NAV3: variants seen among roughly 807,000 people sequenced by gnomAD.
NAV3 encodes the protein pore membrane and/or filament interacting like protein 1.
Under a neutral mutation model 244.7 loss-of-function variants are expected in NAV3, and 87 were observed. The observed-to-expected ratio is 0.36, with a 90% CI of 0.30 to 0.42. The LOEUF (loss-of-function observed/expected upper bound fraction) is 0.42, where lower values mean the gene tolerates loss of function less well. NAV3 is among the 20% of genes least tolerant of loss of function. The probability of loss-of-function intolerance (pLI) is 1.00; values close to 1 mark genes in which losing one functional copy is unlikely to be tolerated. For missense variants in NAV3, 2,663 were observed against 2,893.3 expected, an observed-to-expected ratio of 0.92 and a Z score of 1.83; for synonymous variants, 1,126 against 1,042.2, an observed-to-expected ratio of 1.08 and a Z score of -1.55.
At chr12:77,798,677 T>C (rs555943884) in intron 2 of NAV3, among the ~76,000 whole-genome samples, 34 of 152,168 alleles carry the variant, frequency 2.2e-4, no homozygotes, top group Non-Finnish European at 4.0e-4. Context: ...GCTATAATTA[T>C]TGTTGGAGGA....
At chr12:78,080,021 T>A (rs1953266178) in intron 12 of NAV3, among the ~76,000 whole-genome samples, 1 of 152,228 alleles carries the variant, frequency 6.6e-6, no homozygotes, top group Non-Finnish European at 1.5e-5. Flanking sequence ...TTTGTCTATA[T>A]TTTAATATGT....
At chr12:78,192,564 C>A (rs916219130) in intron 34 of NAV3, among the ~76,000 whole-genome samples, 2 of 151,562 alleles carry the variant, frequency 1.3e-5, no homozygotes, top group Non-Finnish European at 2.9e-5. Flanking sequence ...CACCACCACA[C>A]CCAGCTAATT....
At chr12:77,669,360 C>CA (rs1873859904) in intron 2 of NAV3, among the ~76,000 whole-genome samples, 1 of 152,092 alleles carries the variant, frequency 6.6e-6, no homozygotes, top group South Asian at 2.1e-4. Flanking sequence ...TCCATACTAA[C>CA]ATTGAATGTA....
chr12:77,773,702 A>G (rs1427521517), intron 2 of NAV3, among the ~76,000 whole-genome samples: 1 of 152,190 alleles, frequency 6.6e-6, no homozygotes, highest in East Asian at 1.9e-4. Context: ...TTAATAATGT[A>G]CATCTCATTG....
chr12:78,150,442 A>T (rs1434503212), intron 22 of NAV3, among the ~76,000 whole-genome samples: 1 of 152,050 alleles, frequency 6.6e-6, no homozygotes, highest in Non-Finnish European at 1.5e-5. Context: ...TTGAAATGTA[A>T]TGATGCTTAT....
intron 2 of NAV3, among the ~76,000 whole-genome samples, chr12:77,741,408 T>C (rs1868334599): frequency 6.6e-6 from 1 of 152,084 alleles, no homozygotes; most frequent in African/African-American, 2.4e-5. Flanking sequence ...CACACACACA[T>C]ATACTGGTCA....
chr12:77,998,503 A>C (rs555001037), intron 7 of NAV3, 27 bp downstream of exon 7: 9 of 1,578,020 alleles, frequency 5.7e-6, no homozygotes, highest in Non-Finnish European at 7.7e-6. Context: ...TCATTATGAC[A>C]CAAGTCCAAC....
At chr12:77,622,596 C>G (rs1871428267) in intron 2 of NAV3, among the ~76,000 whole-genome samples, 2 of 134,714 alleles carry the variant, frequency 1.5e-5, no homozygotes, top group Admixed American at 1.6e-4. Context: ...TGTAAGTATC[C>G]AAAAGACAAA....
At chr12:77,953,526 A>T (rs1891090178) in intron 3 of NAV3, among the ~76,000 whole-genome samples, 1 of 152,192 alleles carries the variant, frequency 6.6e-6, no homozygotes, top group Non-Finnish European at 1.5e-5. Context: ...ATAGGACCTA[A>T]TTAATAAACG....
chr12:77,970,912 T>C (rs1892947619), intron 5 of NAV3, among the ~76,000 whole-genome samples: 1 of 152,076 alleles, frequency 6.6e-6, no homozygotes. Flanking sequence ...GAAATAAAAT[T>C]ATTTTACGTA....
intron 22 of NAV3, among the ~76,000 whole-genome samples, chr12:78,149,263 A>T (rs1297857752): frequency 6.6e-6 from 1 of 152,080 alleles, no homozygotes; most frequent in Non-Finnish European, 1.5e-5. Flanking sequence ...TTGACTTTGG[A>T]AGATAAAATA....
At chr12:78,038,857 T>C (rs1199742301) in intron 9 of NAV3, among the ~76,000 whole-genome samples, 2 of 152,146 alleles carry the variant, frequency 1.3e-5, no homozygotes. Context: ...ATGAACAGAG[T>C]GCAGTCCCCT....
At chr12:77,704,841 C>T (rs1465799609) in intron 2 of NAV3, among the ~76,000 whole-genome samples, 1 of 152,214 alleles carries the variant, frequency 6.6e-6, no homozygotes, top group Non-Finnish European at 1.5e-5. Context: ...TGTCCAATTA[C>T]TTCAAAGGCC....
Position 77,685,506 on chromosome 12 carries a change from C to CACAT in NAV3, c.72+113241_72+113242insCATA, listed in dbSNP as rs34407806. 1.1e-3 allele frequency among the ~76,000 whole-genome samples: 163 copies of CACAT among 150,670 alleles called. 1 individual carries two copies. Among genetic ancestry groups the CACAT allele is most frequent in the Admixed American group, 3.1e-3 (47 of 15,132 alleles). The stretch of plus-strand genomic sequence containing the variant: ...ACACACACACACACACACACACACA[C>CACAT]ATACCCACACGCACACCATTGGTTT... On this transcript the variant is annotated intron_variant, in intron 2 of 8. Transcript: ENST00000550042.
chr12:77,583,439 A>G (rs181548978), intron 2 of NAV3, among the ~76,000 whole-genome samples: 44 of 152,330 alleles, frequency 2.9e-4, no homozygotes, highest in African/African-American at 1.0e-3. Context: ...TTGGAAAATG[A>G]TCTGGGGTTA....
chr12:77,950,464 G>A (rs1483404869), intron 3 of NAV3: 1 of 152,044 alleles, frequency 6.6e-6, no homozygotes, highest in Non-Finnish European at 1.5e-5. Flanking sequence ...ATCTGTTTTG[G>A]TGAGGTATCT....
intron 2 of NAV3, among the ~76,000 whole-genome samples, chr12:77,667,154 T>A (rs1873751425): frequency 6.6e-6 from 1 of 152,232 alleles, no homozygotes; most frequent in Non-Finnish European, 1.5e-5. Context: ...CAGGACTAGC[T>A]TGCAGCTCCT....
At chr12:77,842,586 C>T (rs185135985) in intron 1 of NAV3, among the ~76,000 whole-genome samples, 1 of 150,480 alleles carries the variant, frequency 6.6e-6, no homozygotes, top group East Asian at 2.0e-4. Flanking sequence ...AAATAGGTGA[C>T]TGCATTGTTG....
intron 1 of NAV3, among the ~76,000 whole-genome samples, chr12:77,853,073 G>A (rs1249496356): frequency 2.0e-5 from 3 of 152,108 alleles, no homozygotes; most frequent in Admixed American, 6.5e-5. Context: ...TTTCTAAAGT[G>A]GTTGTACCAG....
Sources: allele counts gnomAD v4.1 joint callset (sites outside exome capture counted in the v4.1 genomes callset), GRCh38; gene constraint gnomAD v4.1.1; transcripts MANE v1.5; gene names NCBI Gene and HGNC (gene_info 2026-07-23, HGNC 2026-07-21).